POU3F1: variants seen among roughly 807,000 people sequenced by gnomAD.
POU3F1 encodes the protein POU domain, class 3, transcription factor 1.
Under a neutral mutation model 7.6 loss-of-function variants are expected in POU3F1, and 1 was observed. That is an observed-to-expected ratio of 0.13 (90% CI 0.05 to 0.62). The LOEUF is 0.62. Among genes scored for constraint, POU3F1 ranks in the 20% least tolerant of loss-of-function variants. The pLI is 0.87. For missense variants in POU3F1, 505 were observed against 679.3 expected (o/e 0.74, Z 2.85); for synonymous variants, 354 against 339.0 (o/e 1.04, Z -0.49).
In POU3F1 at chr1:38,044,752, A is replaced by G. The variant is rs1646848701; in HGVS notation, c.*636T>C. On this transcript the variant is annotated 3_prime_UTR_variant, in exon 1 of 1. Transcript: ENST00000373012. ...TCCCCTCCGGGGCCCCGATAAATACAGTATACTGCGATTTAAATTAAGGGC... is the reference window on the plus strand; with the variant it reads ...TCCCCTCCGGGGCCCCGATAAATACGGTATACTGCGATTTAAATTAAGGGC... The G allele has an allele frequency of 6.6e-6, 1 of 152,356 alleles. No individual in the cohort carries two copies. Among genetic ancestry groups the G allele is most frequent in the Non-Finnish European group, 1.5e-5 (1 of 68,026 alleles). The allele number at this position is 152,356 out of a possible 1,614,324, so 9.4% of individuals were successfully genotyped here.
At position 38,044,776 on chromosome 1, in the gene POU3F1, G is replaced by A. The variant is rs1646848846; in HGVS notation, c.*612C>T. ...CAGTATACTGCGATTTAAATTAAGG[G>A]CGCGGGCGGAGTTAGAAGGACCCCA... On this transcript the variant is annotated 3_prime_UTR_variant, in exon 1 of 1. Coordinates refer to ENST00000373012, the MANE Select transcript of POU3F1 (RefSeq NM_002699.4). The A allele has an allele frequency of 2.0e-5, 3 of 152,252 alleles. No homozygotes were observed. Among genetic ancestry groups the A allele is most frequent in the Non-Finnish European group, 4.4e-5 (3 of 68,006 alleles). The allele number at this position is 152,252 out of a possible 1,614,324, so 9.4% of individuals were successfully genotyped here.
At position 38,046,442 on chromosome 1, in the gene POU3F1, C is replaced by T; in HGVS notation, c.302G>A (p.Gly101Asp). The T allele has an allele frequency of 7.6e-7, 1 of 1,314,032 alleles. No individual in the cohort carries two copies. The highest frequency in any genetic ancestry group is 1.9e-5 in the South Asian group (1 of 52,378). 81.4% of individuals were successfully genotyped at this position (1,314,032 alleles called of 1,614,324 possible). A position where few individuals can be genotyped will look rare whatever the true frequency, so the allele number is the denominator to read the frequency against. Residue 101 changes from glycine to aspartate, a missense_variant, in exon 1 of 1, where the codon GGC (glycine) becomes GAC (aspartate). Coordinates refer to ENST00000373012, the MANE Select transcript of POU3F1 (RefSeq NM_002699.4). The surrounding 1 kb of genome is among the most constrained non-coding windows in gnomAD (Gnocchi z 9.5). ...EHGKAGGGGT[G>D]RADDGGGGGG... ...GCCGCCGCCGCCGTCGTCGGCTCGG[C>T]CGGTGCCGCCGCCGCCTGCCTTGCC...
rs1319319423 is a variant in POU3F1, at chr1:38,045,541, G to C, written c.1203C>G (p.Ala401=). ...RQKEKRMTPA[A]GAGHPPMDDV... is the part of the protein sequence containing the mutation. ...CGTCCATGGGCGGGTGGCCCGCGCC[G>C]GCCGCAGGGGTCATGCGCTTCTCCT... The change falls in exon 1 of 1, where the codon GCC becomes GCG. Residue 401 remains alanine, a synonymous_variant. Coordinates refer to ENST00000373012, the MANE Select transcript of POU3F1 (RefSeq NM_002699.4). This position sits in a 1 kb window ranked among gnomAD's most constrained non-coding sequence, Gnocchi z 9.4. The C allele has an allele frequency of 2.5e-6, 4 of 1,600,026 alleles. No individual in the cohort carries two copies. The highest frequency in any genetic ancestry group is 3.4e-6 in the Non-Finnish European group (4 of 1,173,574).
Position 38,046,450 on chromosome 1 carries a change from G to A in POU3F1, c.294C>T (p.Gly98=), listed in dbSNP as rs1270801857. Residue 98 remains glycine (G), a synonymous_variant, in exon 1 of 1, where the codon GGC becomes GGT. Coordinates refer to ENST00000373012, the MANE Select transcript of POU3F1 (RefSeq NM_002699.4). This position sits in a 1 kb window ranked among gnomAD's most constrained non-coding sequence, Gnocchi z 9.5. ...PHLEHGKAGG[G]GTGRADDGGG... Reference sequence around the variant, plus strand: ...CGCCGTCGTCGGCTCGGCCGGTGCCGCCGCCGCCTGCCTTGCCGTGTTCTA... The same window carrying A: ...CGCCGTCGTCGGCTCGGCCGGTGCCACCGCCGCCTGCCTTGCCGTGTTCTA... The A allele has an allele frequency of 4.5e-6, 6 of 1,325,930 alleles. No individual in the cohort carries two copies. Among genetic ancestry groups the A allele is most frequent in the South Asian group, 3.6e-5 (2 of 55,140 alleles). The allele number at this position is 1,325,930 out of a possible 1,614,324, so 82.1% of individuals were successfully genotyped here.
In POU3F1 at chr1:38,045,898, C is replaced by G; in HGVS notation, c.846G>C (p.Thr282=). ...TCTGCGAGAACACGTTACCGTAGAG[C>G]GTGCCCAGCGCCAGCCCCACGTCGG... ...TQADVGLALG[T]LYGNVFSQTT... Residue 282 remains threonine (T), a synonymous_variant, in exon 1 of 1, where the codon ACG becomes ACC. Transcript: ENST00000373012. The surrounding 1 kb of genome is among the most constrained non-coding windows in gnomAD (Gnocchi z 9.4). 3.7e-6 allele frequency: 6 copies of G among 1,613,776 alleles called. No individual in the cohort carries two copies. Among genetic ancestry groups the G allele is most frequent in the Non-Finnish European group, 5.1e-6 (6 of 1,179,990 alleles).
At position 38,045,273 on chromosome 1, in the gene POU3F1, G is replaced by T; in HGVS notation, c.*115C>A. On this transcript the variant is annotated 3_prime_UTR_variant, in exon 1 of 1. Transcript: ENST00000373012. The surrounding 1 kb of genome is among the most constrained non-coding windows in gnomAD (Gnocchi z 9.4). Reference sequence around the variant, plus strand: ...GTTTGGTTTTGTTCGAAAGTTTCTGGGCTTTTTTTTTTTTTTGTAAAATCC... The same window carrying T: ...GTTTGGTTTTGTTCGAAAGTTTCTGTGCTTTTTTTTTTTTTTGTAAAATCC... 1 of 318,590 alleles carries T rather than the reference G, an allele frequency of 3.1e-6. No individual in the cohort carries two copies. Among genetic ancestry groups the T allele is most frequent in the Non-Finnish European group, 4.6e-6 (1 of 216,702 alleles). The allele number at this position is 318,590 out of a possible 1,614,324, so 19.7% of individuals were successfully genotyped here.
In POU3F1 at chr1:38,046,408, G is replaced by A; in HGVS notation, c.336C>T (p.Phe112=). 7.9e-7 allele frequency: 1 copy of A among 1,267,352 alleles called. No individual in the cohort carries two copies. 78.5% of individuals were successfully genotyped at this position (1,267,352 alleles called of 1,614,324 possible). ...RADDGGGGGG[F]HARLVHQGAA... is the part of the protein sequence containing the mutation. Reference sequence around the variant, plus strand: ...CCCCCTGGTGCACCAGGCGCGCGTGGAAACCTCCGCCGCCGCCGCCGTCGT... The same window carrying A: ...CCCCCTGGTGCACCAGGCGCGCGTGAAAACCTCCGCCGCCGCCGCCGTCGT... The change falls in exon 1 of 1, where the codon TTC becomes TTT. Residue 112 remains phenylalanine (F), a synonymous_variant. Transcript: ENST00000373012. The surrounding 1 kb of genome is among the most constrained non-coding windows in gnomAD (Gnocchi z 9.5).
Position 38,046,529 on chromosome 1 carries a change from T to C in POU3F1, c.215A>G (p.Gln72Arg). Residue 72 changes from glutamine to arginine, a missense_variant, in exon 1 of 1, where the codon CAG becomes CGG. By Grantham distance (43) the Gln-to-Arg change is conservative. Transcript: ENST00000373012. The surrounding 1 kb of genome is among the most constrained non-coding windows in gnomAD (Gnocchi z 9.5). Reference protein sequence around the residue: ...AGHPVGLAHPQWLPTGGGGGG... With the variant: ...AGHPVGLAHPRWLPTGGGGGG... ...GCCGCCTCCTCCCGTGGGTAGCCAC[T>C]GGGGGTGCGCTAGGCCCACGGGGTG... 7.3e-7 allele frequency: 1 copy of C among 1,377,494 alleles called. No individual in the cohort carries two copies. The highest frequency in any genetic ancestry group is 9.4e-7 in the Non-Finnish European group (1 of 1,064,514). The allele number at this position is 1,377,494 out of a possible 1,614,324, so 85.3% of individuals were successfully genotyped here. A position where few individuals can be genotyped will look rare whatever the true frequency, so the allele number is the denominator to read the frequency against.
rs1646866445 is a variant in POU3F1 at position 38,046,778 on chromosome 1, G to A, written c.-35C>T. 17 of 984,850 alleles carry A rather than the reference G, an allele frequency of 1.7e-5. No individual in the cohort carries two copies. The highest frequency in any genetic ancestry group is 2.0e-5 in the Non-Finnish European group (17 of 831,024). 61.0% of individuals were successfully genotyped at this position (984,850 alleles called of 1,614,324 possible). A position where few individuals can be genotyped will look rare whatever the true frequency, so the allele number is the denominator to read the frequency against. On this transcript the variant is annotated 5_prime_UTR_variant, in exon 1 of 1. Transcript: ENST00000373012. This position sits in a 1 kb window ranked among gnomAD's most constrained non-coding sequence, Gnocchi z 9.5. ...CGCCCTGCGCCGCGCCGCCGCCGCC[G>A]CTCCGCTCCGTCTGCGGGCCCCGCC...
In POU3F1 at chr1:38,045,287, T is replaced by C. The variant is rs1646851966; in HGVS notation, c.*101A>G. On this transcript the variant is annotated 3_prime_UTR_variant, in exon 1 of 1. Coordinates refer to ENST00000373012, the MANE Select transcript of POU3F1 (RefSeq NM_002699.4). The surrounding 1 kb of genome is among the most constrained non-coding windows in gnomAD (Gnocchi z 9.4). ...GAAAGTTTCTGGGCTTTTTTTTTTT[T>C]TTGTAAAATCCAAAGCAACCGAACA... 2.7e-6 allele frequency: 1 copy of C among 374,822 alleles called. No individual in the cohort carries two copies. The highest frequency in any genetic ancestry group is 3.8e-6 in the Non-Finnish European group (1 of 263,038). The allele number at this position is 374,822 out of a possible 1,614,324, so 23.2% of individuals were successfully genotyped here.
rs989066152 is a variant in POU3F1, at chr1:38,044,945, T to A, written c.*443A>T. 3 of 152,144 alleles carry A rather than the reference T, an allele frequency of 2.0e-5. No homozygotes were observed. The highest frequency in any genetic ancestry group is 6.5e-5 in the Admixed American group (1 of 15,288). The allele number at this position is 152,144 out of a possible 1,614,324, so 9.4% of individuals were successfully genotyped here. On this transcript the variant is annotated 3_prime_UTR_variant, in exon 1 of 1. Coordinates refer to ENST00000373012, the MANE Select transcript of POU3F1 (RefSeq NM_002699.4). ...AGCCCCCCACCCTGGACCCGCAGGC[T>A]CAGGAGTCCACGCGGGGAGAGGGGA...
Position 38,046,600 on chromosome 1 carries a change from T to C in POU3F1, c.144A>G (p.Glu48=), listed in dbSNP as rs1646863475. ...ACTCGTGGTGCATCAGCTTCTGCACTTCGCGGTACGCGGCCCCTGCATGCA... is the reference window on the plus strand; with the variant it reads ...ACTCGTGGTGCATCAGCTTCTGCACCTCGCGGTACGCGGCCCCTGCATGCA... The part of the protein sequence containing the change: ...ERLHAGAAYR[E]VQKLMHHEWL... Residue 48 remains glutamate (E), a synonymous_variant, in exon 1 of 1, where the codon GAA becomes GAG. Coordinates refer to ENST00000373012, the MANE Select transcript of POU3F1 (RefSeq NM_002699.4). This position sits in a 1 kb window ranked among gnomAD's most constrained non-coding sequence, Gnocchi z 9.5. 3 of 1,377,822 alleles carry C rather than the reference T, an allele frequency of 2.2e-6. No individual in the cohort carries two copies. Among genetic ancestry groups the C allele is most frequent in the East Asian group, 6.6e-5 (2 of 30,490 alleles). The allele number at this position is 1,377,822 out of a possible 1,614,324, so 85.3% of individuals were successfully genotyped here. A position where few individuals can be genotyped will look rare whatever the true frequency, so the allele number is the denominator to read the frequency against.
chr1:38,046,604 C>T lies in POU3F1; in HGVS notation c.140G>A (p.Arg47His), dbSNP rs1433274611. 9 of 1,376,902 alleles carry T rather than the reference C, an allele frequency of 6.5e-6. No individual in the cohort carries two copies. Among genetic ancestry groups the T allele is most frequent in the Non-Finnish European group, 8.5e-6 (9 of 1,059,332 alleles). 85.3% of individuals were successfully genotyped at this position (1,376,902 alleles called of 1,614,324 possible). ...GTGGTGCATCAGCTTCTGCACTTCG[C>T]GGTACGCGGCCCCTGCATGCAATCG... ...AERLHAGAAY[R>H]EVQKLMHHEW... The change falls in exon 1 of 1, where the codon CGC becomes CAC. Residue 47 changes from arginine to histidine, a missense_variant. Arg to His is a conservative substitution (Grantham distance 29, BLOSUM62 0). Transcript: ENST00000373012. The surrounding 1 kb of genome is among the most constrained non-coding windows in gnomAD (Gnocchi z 9.5).
Position 38,045,784 on chromosome 1 carries a change from G to A in POU3F1, c.960C>T (p.Thr320=). ...TGGTGGGGCTGCCGCTGGACGAGTC[G>A]GTCTCCTCCAGCCACTTGTTGAGCA... ...KPLLNKWLEE[T]DSSSGSPTNL... The change falls in exon 1 of 1, where the codon ACC becomes ACT. Residue 320 remains threonine (T), a synonymous_variant. Coordinates refer to ENST00000373012, the MANE Select transcript of POU3F1 (RefSeq NM_002699.4). The surrounding 1 kb of genome is among the most constrained non-coding windows in gnomAD (Gnocchi z 9.4). 6.2e-7 allele frequency: 1 copy of A among 1,613,800 alleles called. No homozygotes were observed. Among genetic ancestry groups the A allele is most frequent in the South Asian group, 1.1e-5 (1 of 91,074 alleles).
In POU3F1 at chr1:38,045,664, C is replaced by G; in HGVS notation, c.1080G>C (p.Lys360Asn). The change falls in exon 1 of 1, where the codon AAG becomes AAC. Residue 360 changes from lysine to asparagine, a missense_variant. Transcript: ENST00000373012. This position sits in a 1 kb window ranked among gnomAD's most constrained non-coding sequence, Gnocchi z 9.4. Reference sequence around the variant, plus strand: ...TCTCGTGCGCCGAGGGCTTGGGGCACTTGAGAAAGTGGCTCTCGAGCGCGC... The same window carrying G: ...TCTCGTGCGCCGAGGGCTTGGGGCAGTTGAGAAAGTGGCTCTCGAGCGCGC... ...VKGALESHFLKCPKPSAHEIT... is the reference protein window; with the variant it reads ...VKGALESHFLNCPKPSAHEIT... 1 of 1,613,486 alleles carries G rather than the reference C, an allele frequency of 6.2e-7. No homozygotes were observed. Among genetic ancestry groups the G allele is most frequent in the Non-Finnish European group, 8.5e-7 (1 of 1,179,786 alleles).
rs907132791 is a variant in POU3F1 at position 38,044,124 on chromosome 1, T to C, written c.*1264A>G. Among the ~76,000 whole-genome samples, 1 of 152,220 alleles carries C rather than the reference T, an allele frequency of 6.6e-6. No individual in the cohort carries two copies. Among genetic ancestry groups the C allele is most frequent in the Admixed American group, 6.5e-5 (1 of 15,288 alleles). On this transcript the variant is annotated 3_prime_UTR_variant, in exon 1 of 1. Coordinates refer to ENST00000373012, the MANE Select transcript of POU3F1 (RefSeq NM_002699.4). ...GGATTAGTCAGTGTACAAAATCCTT[T>C]AGGGTAGGAAGGAAGGGTAACCCGG... is the stretch of plus-strand genomic sequence containing the variant.
chr1:38,046,244 CCCCCCGGG>C lies in POU3F1; in HGVS notation c.492_499del (p.Tyr164Ter). ...CATCCCGGCCAGGCCGCCGCCGCCGCCCCCCGGGTAGGCCGCCTGCGCGTACAGCCCGA... is the reference window on the plus strand; with the variant it reads ...CATCCCGGCCAGGCCGCCGCCGCCGCTAGGCCGCCTGCGCGTACAGCCCGA... On this transcript the variant is annotated stop_gained and frameshift_variant, in exon 1 of 1. Coordinates refer to ENST00000373012, the MANE Select transcript of POU3F1 (RefSeq NM_002699.4). LOFTEE classifies it low-confidence loss of function (END_TRUNC). The surrounding 1 kb of genome is among the most constrained non-coding windows in gnomAD (Gnocchi z 9.5). The C allele has an allele frequency of 9.4e-7, 1 of 1,067,622 alleles. No homozygotes were observed. The allele number at this position is 1,067,622 out of a possible 1,614,324, so 66.1% of individuals were successfully genotyped here.
rs1014594402 is a variant in POU3F1, at chr1:38,045,945, T to C, written c.799A>G (p.Ile267Val). 1.2e-6 allele frequency: 2 copies of C among 1,613,324 alleles called. No individual in the cohort carries two copies. Among genetic ancestry groups the C allele is most frequent in the Non-Finnish European group, 1.7e-6 (2 of 1,179,946 alleles). The change falls in exon 1 of 1, where the codon ATC becomes GTC. Residue 267 changes from isoleucine to valine, a missense_variant. Physicochemically the swap from Ile to Val is conservative, Grantham distance 29. Around this residue, in one of 5 missense-constraint regions of POU3F1, gnomAD observed 26 missense variants for 99.9 expected, o/e 0.26. Coordinates refer to ENST00000373012, the MANE Select transcript of POU3F1 (RefSeq NM_002699.4). The surrounding 1 kb of genome is among the most constrained non-coding windows in gnomAD (Gnocchi z 9.4). Reference sequence around the variant, plus strand: ...TCGGCCTGCGTAAAGCCCAGCTTGATGCGCCGCTGCTTGAACTGCTTGGCG... The same window carrying C: ...TCGGCCTGCGTAAAGCCCAGCTTGACGCGCCGCTGCTTGAACTGCTTGGCG... ...QFAKQFKQRR[I>V]KLGFTQADVG...
Position 38,045,554 on chromosome 1 carries a change from A to C in POU3F1, c.1190T>G (p.Met397Arg). Reference sequence around the variant, plus strand: ...GTGGCCCGCGCCGGCCGCAGGGGTCATGCGCTTCTCCTTCTGCCGCCGGTT... The same window carrying C: ...GTGGCCCGCGCCGGCCGCAGGGGTCCTGCGCTTCTCCTTCTGCCGCCGGTT... ...FCNRRQKEKR[M>R]TPAAGAGHPP... The change falls in exon 1 of 1, where the codon ATG becomes AGG. Residue 397 changes from methionine (M) to arginine (R), a missense_variant. Physicochemically the swap from Met to Arg is moderately conservative, Grantham distance 91 (BLOSUM62 -1). This residue lies in a region of POU3F1 where 72 missense variants were observed against 93.7 expected (regional missense o/e 0.77). Transcript: ENST00000373012. The surrounding 1 kb of genome is among the most constrained non-coding windows in gnomAD (Gnocchi z 9.4). The C allele has an allele frequency of 6.2e-7, 1 of 1,606,800 alleles. No individual in the cohort carries two copies. Among genetic ancestry groups the C allele is most frequent in the Non-Finnish European group, 8.5e-7 (1 of 1,176,960 alleles).
Sources: gnomAD v4.1 joint callset for allele counts (sites outside exome capture counted in the v4.1 genomes callset) on GRCh38, gnomAD v4.1.1 for gene constraint, gnomAD v4.1.1 regional missense constraint, Gnocchi (gnomAD v3.1) non-coding constraint, MANE v1.5 for transcripts, NCBI Gene and HGNC (gene_info 2026-07-23, HGNC 2026-07-21) for gene names.